Variants in MYRIP observed in about 807,000 individuals in gnomAD.
MYRIP encodes rab effector MyRIP.
In MYRIP, 49 loss-of-function variants were observed where a neutral mutation model predicts 98.0. The ratio of observed to expected loss-of-function variants is 0.50; its 90% CI spans 0.40 to 0.63. MYRIP has a LOEUF of 0.63. Among genes scored for constraint, MYRIP ranks in the 30% least tolerant of loss-of-function variants. The pLI is 0.00. For missense variants in MYRIP, 1,004 were observed against 1,058.2 expected, an observed-to-expected ratio of 0.95 and a Z score of 0.71; for synonymous variants, 404 against 409.5, an observed-to-expected ratio of 0.99 and a Z score of 0.16.
intron 3 of MYRIP, among the ~76,000 whole-genome samples, chr3:40,118,447 A>T (rs1668956443): frequency 6.6e-6 from 1 of 152,170 alleles, no homozygotes; most frequent in Non-Finnish European, 1.5e-5. Context: ...AACAATCTAG[A>T]TGCTAATCAA....
chr3:39,844,796 A>G (rs1397187584), intron 1 of MYRIP, among the ~76,000 whole-genome samples: 2 of 152,150 alleles, frequency 1.3e-5, no homozygotes, highest in East Asian at 3.8e-4. Context: ...TACTTCTACA[A>G]TTTCCCAAAG....
chr3:39,942,312 C>G (rs1236973100), intron 2 of MYRIP, among the ~76,000 whole-genome samples: 1 of 152,136 alleles, frequency 6.6e-6, no homozygotes, highest in Non-Finnish European at 1.5e-5. Flanking sequence ...AAGCAGTAAA[C>G]TCTTGGGACT....
At position 39,951,781 on chromosome 3, in the gene MYRIP, C is replaced by G. The variant is rs558678021; in HGVS notation, c.110+50855C>G. ...TGACCCCTATTCTAGAGGACTCTGA[C>G]AAAAGTTCTCTACTTTGACTAAAAT... On this transcript the variant is annotated intron_variant, in intron 2 of 16. Transcript: ENST00000302541. Among the ~76,000 whole-genome samples the G allele has an allele frequency of 2.6e-5, 4 of 152,188 alleles. No individual in the cohort carries two copies. In the East Asian group the frequency reaches 5.8e-4, roughly 22 times the overall value.
At chr3:40,096,949 T>C (rs1449066336) in intron 3 of MYRIP, among the ~76,000 whole-genome samples, 1 of 152,154 alleles carries the variant, frequency 6.6e-6, no homozygotes, top group Non-Finnish European at 1.5e-5. Flanking sequence ...TCGTCCTAAC[T>C]CCTCACCTTC....
intron 2 of MYRIP, among the ~76,000 whole-genome samples, chr3:40,005,649 G>C (rs138051369): frequency 1.6e-4 from 25 of 152,188 alleles, no homozygotes; most frequent in African/African-American, 5.8e-4. Context: ...AGAAGTATTA[G>C]CTGTGTTGCT....
intron 2 of MYRIP, among the ~76,000 whole-genome samples, chr3:40,018,143 C>T (rs1448777803): frequency 5.9e-5 from 9 of 152,272 alleles, no homozygotes; most frequent in Middle Eastern, 3.4e-3. Flanking sequence ...CACATTACTG[C>T]ATTATCTTGG....
chr3:40,151,269 C>T (rs1378024463), intron 4 of MYRIP, 85 bp downstream of exon 4: 7 of 1,428,006 alleles, frequency 4.9e-6, no homozygotes, highest in Non-Finnish European at 6.6e-6. Flanking sequence ...CACTGGAGCA[C>T]ACTCACCTGG....
Position 40,161,969 on chromosome 3 carries a change from T to G in MYRIP, c.470-761T>G, listed in dbSNP as rs188549710. ...CCCCAGGTCACCTCACCAGAGCTGCTTTTCCTCTCTGCAGCCCTGCCACGC... is the reference window on the plus strand; with the variant it reads ...CCCCAGGTCACCTCACCAGAGCTGCGTTTCCTCTCTGCAGCCCTGCCACGC... On this transcript the variant is annotated intron_variant, in intron 4 of 16. Transcript: ENST00000302541. 6.4e-4 allele frequency among the ~76,000 whole-genome samples: 97 copies of G among 152,196 alleles called. 1 individual carries two copies. Among genetic ancestry groups the G allele is most frequent in the Non-Finnish European group, 5.9e-4 (40 of 67,996 alleles).
chr3:40,188,510 GCTCACGCCTGTAAT>G (rs1467200787), intron 9 of MYRIP, among the ~76,000 whole-genome samples: 1 of 152,214 alleles, frequency 6.6e-6, no homozygotes, highest in African/African-American at 2.4e-5. Context: ...GGGTGCTGTG[GCTCACGCCTGTAAT>G]CCCAGCACTT....
chr3:40,256,692 AACTT>A (rs1415610663), intron 16 of MYRIP, among the ~76,000 whole-genome samples: 1 of 152,206 alleles, frequency 6.6e-6, no homozygotes. Flanking sequence ...AGCAAAAACT[AACTT>A]AAGAAATAAA....
At chr3:40,059,620 A>G (rs561546381) in intron 3 of MYRIP, among the ~76,000 whole-genome samples, 1 of 152,240 alleles carries the variant, frequency 6.6e-6, no homozygotes, top group Non-Finnish European at 1.5e-5. Flanking sequence ...TTTCAAAGAC[A>G]CTTTGTCTTT....
intron 2 of MYRIP, among the ~76,000 whole-genome samples, chr3:39,986,071 A>T (rs1293687890): frequency 1.3e-5 from 2 of 152,214 alleles, no homozygotes; most frequent in Non-Finnish European, 2.9e-5. Flanking sequence ...TGACGTAAGG[A>T]AAGTTTTTAA....
At chr3:40,178,122 C>G (rs1343618944) in intron 8 of MYRIP, among the ~76,000 whole-genome samples, 1 of 152,156 alleles carries the variant, frequency 6.6e-6, no homozygotes, top group African/African-American at 2.4e-5. Context: ...CATTCTTTCC[C>G]TGTTTTTTAC....
At chr3:40,158,568 G>A (rs905977019) in intron 4 of MYRIP, among the ~76,000 whole-genome samples, 42 of 152,050 alleles carry the variant, frequency 2.8e-4, no homozygotes, top group African/African-American at 8.5e-4. Context: ...TTCCTGTCTC[G>A]TTGATCTGTC....
At chr3:40,032,448 A>G (rs952989505) in intron 2 of MYRIP, among the ~76,000 whole-genome samples, 6 of 151,980 alleles carry the variant, frequency 3.9e-5, no homozygotes, top group African/African-American at 1.4e-4. Context: ...ACTTCCAACT[A>G]TGTGGTCAAT....
chr3:39,875,837 T>C (rs1942974618), intron 1 of MYRIP, among the ~76,000 whole-genome samples: 3 of 151,994 alleles, frequency 2.0e-5, no homozygotes, highest in Non-Finnish European at 4.4e-5. Context: ...GGTGGAGAGT[T>C]CTGTAGATGT....
intron 4 of MYRIP, among the ~76,000 whole-genome samples, chr3:40,152,695 G>T (rs1018485739): frequency 2.6e-5 from 4 of 152,152 alleles, no homozygotes; most frequent in Non-Finnish European, 5.9e-5. Flanking sequence ...TTGCATTCAG[G>T]ATTACACAGC....
chr3:39,995,365 A>G (rs1027694174), intron 2 of MYRIP, among the ~76,000 whole-genome samples: 3 of 152,238 alleles, frequency 2.0e-5, no homozygotes, highest in African/African-American at 4.8e-5. Context: ...GCTGAAAACC[A>G]TGGCACGATA....
chr3:40,209,946 G>A lies in MYRIP; in HGVS notation c.1758G>A (p.Arg586=). Residue 586 remains arginine, a synonymous_variant, in exon 11 of 17, where the codon AGG becomes AGA. Transcript: ENST00000302541. ...TDTTEEKRRN[R]LYELAMKMSE... ...CCACAGAGGAGAAACGGAGAAACAG[G>A]CTGTACGAGTTAGCAATGAAAATGA... is the stretch of plus-strand genomic sequence containing the variant. 7 of 1,614,066 alleles carry A rather than the reference G, an allele frequency of 4.3e-6. No homozygotes were observed. Among genetic ancestry groups the A allele is most frequent in the Non-Finnish European group, 5.9e-6 (7 of 1,179,950 alleles).
Sources: allele counts gnomAD v4.1 joint callset (sites outside exome capture counted in the v4.1 genomes callset), GRCh38; gene constraint gnomAD v4.1.1; transcripts MANE v1.5; gene names NCBI Gene and HGNC (gene_info 2026-07-23, HGNC 2026-07-21).